The following VWA8 variants were observed in gnomAD, a reference collection of about 807,000 sequenced individuals.
VWA8 encodes the protein von Willebrand factor A domain-containing protein 8.
VWA8 carries 221 observed loss-of-function variants against 241.5 expected under a neutral mutation model. That is an observed-to-expected ratio of 0.91 (90% confidence interval 0.82 to 1.02). The LOEUF is 1.02. Among genes scored for constraint, VWA8 ranks in the 50% least tolerant of loss-of-function variants. The pLI, the probability that VWA8 is intolerant of heterozygous loss-of-function variation, is 0.00. For missense variants in VWA8, 2,322 were observed against 2,328.7 expected (o/e 1.00, Z 0.06); for synonymous variants, 852 against 827.1 (o/e 1.03, Z -0.52).
chr13:41,882,657 A>G (rs533586163), intron 9 of VWA8, among the ~76,000 whole-genome samples: 3 of 152,344 alleles, frequency 2.0e-5, no homozygotes, highest in African/African-American at 7.2e-5. Flanking sequence ...TACGAAAACC[A>G]GTCAGGCGTG....
At position 41,715,872 on chromosome 13, in the gene VWA8, C is replaced by A. The variant is rs542920111; in HGVS notation, c.3116+3719G>T. ...GTTTCTCTATAGGCCAAATCCCCAT[C>A]TTGAGTGTGGGGATGATCATCTTTT... is the stretch of plus-strand genomic sequence containing the variant. On this transcript the variant is annotated intron_variant, in intron 26 of 44. Transcript: ENST00000379310. Among the ~76,000 whole-genome samples, 47 of 152,122 alleles carry A rather than the reference C, an allele frequency of 3.1e-4. 1 individual carries two copies. In the South Asian group the frequency reaches 9.1e-3, roughly 30 times the overall value.
Position 41,573,486 on chromosome 13 carries a change from A to AAAATATATAT in VWA8, c.5370+2253_5370+2254insATATATATTT. Among the ~76,000 whole-genome samples the AAAATATATAT allele has an allele frequency of 6.3e-4, 72 of 113,582 alleles. 1 individual carries two copies. The East Asian group carries it at 0.011, about 18-fold the overall frequency. The allele number at this position is 113,582 out of a possible 152,430, so 74.5% of individuals were successfully genotyped here. On this transcript the variant is annotated intron_variant, in intron 43 of 44. Transcript: ENST00000379310. ...GGTGGCTATAGTTTAAAAAAAAAAAAATATATATATATATATATATACCTC... is the reference window on the plus strand; with the variant it reads ...GGTGGCTATAGTTTAAAAAAAAAAAAAAATATATATATATATATATATATATATATACCTC...
chr13:41,829,706 T>C (rs1220863932), intron 14 of VWA8, among the ~76,000 whole-genome samples: 1 of 152,088 alleles, frequency 6.6e-6, no homozygotes, highest in East Asian at 1.9e-4. Flanking sequence ...ATATTGCATG[T>C]CATCACTTAC....
intron 21 of VWA8, 116 bp from the exon 22 acceptor site, chr13:41,732,271 C>A: frequency 1.2e-6 from 1 of 836,084 alleles, no homozygotes; most frequent in Admixed American, 2.8e-5. Context: ...ATCCTGCTTC[C>A]CCTTCCCCCA....
intron 37 of VWA8, among the ~76,000 whole-genome samples, chr13:41,638,494 A>T (rs1459506776): frequency 6.6e-6 from 1 of 152,176 alleles, no homozygotes; most frequent in Non-Finnish European, 1.5e-5. Flanking sequence ...ACAAGAGGGA[A>T]GCTGGGAGGA....
At chr13:41,799,256 T>G (rs1241124137) in intron 17 of VWA8, among the ~76,000 whole-genome samples, 1 of 152,228 alleles carries the variant, frequency 6.6e-6, no homozygotes, top group Non-Finnish European at 1.5e-5. Context: ...GTACTGATCT[T>G]GTAAAAGTAT....
intron 2 of VWA8, among the ~76,000 whole-genome samples, chr13:41,949,698 A>G (rs890295073): frequency 3.3e-5 from 5 of 152,198 alleles, no homozygotes; most frequent in African/African-American, 1.2e-4. Flanking sequence ...GGATGTGAGA[A>G]AAATAAATGT....
At chr13:41,927,599 A>T (rs548541912) in intron 2 of VWA8, among the ~76,000 whole-genome samples, 36 of 152,328 alleles carry the variant, frequency 2.4e-4, no homozygotes, top group African/African-American at 8.4e-4. Context: ...CAAAACAAAA[A>T]AGTATAGCAG....
chr13:41,658,512 C>T (rs1460283540), intron 37 of VWA8, among the ~76,000 whole-genome samples: 1 of 152,200 alleles, frequency 6.6e-6, no homozygotes. Context: ...TTACCTCACA[C>T]AGCATATTTA....
chr13:41,725,106 T>C (rs2045422128), intron 24 of VWA8, among the ~76,000 whole-genome samples: 1 of 151,620 alleles, frequency 6.6e-6, no homozygotes, highest in African/African-American at 2.4e-5. Flanking sequence ...TCCAAGTGCA[T>C]AGGACAAGCT....
At chr13:41,871,341 C>T (rs1873600662) in intron 9 of VWA8, among the ~76,000 whole-genome samples, 1 of 151,886 alleles carries the variant, frequency 6.6e-6, no homozygotes, top group African/African-American at 2.4e-5. Context: ...TTTTAGGGTA[C>T]ATGTGCACAA....
At chr13:41,861,352 C>T (rs1872997760) in intron 12 of VWA8, among the ~76,000 whole-genome samples, 1 of 152,114 alleles carries the variant, frequency 6.6e-6, no homozygotes, top group Admixed American at 6.5e-5. Flanking sequence ...CAACATCATA[C>T]TGAACAGGAA....
chr13:41,635,844 G>C (rs2044753233), intron 37 of VWA8, among the ~76,000 whole-genome samples: 1 of 152,052 alleles, frequency 6.6e-6, no homozygotes. Context: ...GCGCAGGAGG[G>C]TGGAGATTTC....
intron 17 of VWA8, among the ~76,000 whole-genome samples, chr13:41,791,783 T>C (rs996937412): frequency 3.3e-5 from 5 of 151,910 alleles, no homozygotes; most frequent in Non-Finnish European, 7.4e-5. Flanking sequence ...TATATATTCA[T>C]TTCCTACTGA....
At chr13:41,789,400 T>A (rs1329966357) in intron 17 of VWA8, among the ~76,000 whole-genome samples, 1 of 152,198 alleles carries the variant, frequency 6.6e-6, no homozygotes, top group Admixed American at 6.5e-5. Context: ...AGTGTACTTA[T>A]AACTATTATG....
chr13:41,916,553 T>G (rs1471193058), intron 2 of VWA8, among the ~76,000 whole-genome samples: 4 of 152,242 alleles, frequency 2.6e-5, no homozygotes, highest in Non-Finnish European at 5.9e-5. Context: ...TATCAGAGGA[T>G]CTACTTCTCA....
At chr13:41,900,743 T>C (rs1356298646) in intron 4 of VWA8, among the ~76,000 whole-genome samples, 1 of 152,224 alleles carries the variant, frequency 6.6e-6, no homozygotes, top group Non-Finnish European at 1.5e-5. Context: ...ATTATTAATG[T>C]AGTCATTATT....
At position 41,885,962 on chromosome 13, in the gene VWA8, T is replaced by G. The variant is rs1270032242; in HGVS notation, c.933A>C (p.Pro311=). Residue 311 remains proline, a synonymous_variant, in exon 8 of 45, where the codon CCA becomes CCC. Transcript: ENST00000379310. ...CTGCTAAACTATCTAAAGGAAAGTC[T>G]GGAAGTCCAAGAGTAGAAGATTCTT... ...CSQESSTLGL[P]DFPLDSLAAA... 5.0e-6 allele frequency: 8 copies of G among 1,606,988 alleles called. No individual in the cohort carries two copies. Among genetic ancestry groups the G allele is most frequent in the Non-Finnish European group, 5.9e-6 (7 of 1,178,244 alleles).
chr13:41,809,150 G>A lies in VWA8; in HGVS notation c.2063+2075C>T, dbSNP rs563998326. ...GAAAGATATTCCATATTTATGGATT[G>A]GAACAATCAATGCTGTTAAAATGTC... On this transcript the variant is annotated intron_variant, in intron 17 of 44. Coordinates refer to ENST00000379310, the MANE Select transcript of VWA8 (RefSeq NM_015058.2). Among the ~76,000 whole-genome samples, 14 of 152,166 alleles carry A rather than the reference G, an allele frequency of 9.2e-5. No individual in the cohort carries two copies. The South Asian group carries it at 1.9e-3, about 20-fold the overall frequency.
Sources: allele counts gnomAD v4.1 joint callset (sites outside exome capture counted in the v4.1 genomes callset), GRCh38; gene constraint gnomAD v4.1.1; transcripts MANE v1.5; gene names NCBI Gene and HGNC (gene_info 2026-07-23, HGNC 2026-07-21).